The following CXADR variants were observed in gnomAD, a reference collection of about 807,000 sequenced individuals.
CXADR encodes coxsackievirus and adenovirus receptor.
A neutral mutation model predicts 40.3 loss-of-function variants in CXADR; 20 were observed. The observed-to-expected ratio is 0.50, with a 90% CI of 0.35 to 0.72. The LOEUF (loss-of-function observed/expected upper bound fraction) is 0.72, where lower values mean the gene tolerates loss of function less well. CXADR is among the 30% of genes least tolerant of loss of function. CXADR has a pLI of 0.01. For missense variants in CXADR, 332 were observed against 449.1 expected (o/e 0.74, Z 2.36); for synonymous variants, 150 against 161.3 (o/e 0.93, Z 0.53).
chr21:17,538,931 A>C (rs944642197), intron 1 of CXADR, among the ~76,000 whole-genome samples: 2 of 152,246 alleles, frequency 1.3e-5, no homozygotes, highest in Admixed American at 1.3e-4. Flanking sequence ...GGCTACATCC[A>C]GGCCACGTGA....
intron 1 of CXADR, among the ~76,000 whole-genome samples, chr21:17,516,433 T>C (rs534961315): frequency 2.6e-5 from 4 of 152,254 alleles, no homozygotes; most frequent in Non-Finnish European, 5.9e-5. Context: ...TTGAATACTT[T>C]GAGGCATTGT....
the CXADR span, among the ~76,000 whole-genome samples, chr21:17,630,270 A>G: frequency 6.6e-6 from 1 of 152,254 alleles, no homozygotes; most frequent in South Asian, 2.1e-4. Context: ...AGAGCAAAGC[A>G]CAATGAAGCC....
At chr21:17,570,209 A>G, downstream of CXADR, 1 of 982,924 alleles carries the variant, frequency 1.0e-6, no homozygotes, top group Non-Finnish European at 1.2e-6. Context: ...CCCCCCGTGT[A>G]TCCTCTAAAC....
At position 17,581,399 on chromosome 21, in the gene CXADR, C is replaced by G. The variant is rs1349442432; in HGVS notation, c.1018-11753C>G. Among the ~76,000 whole-genome samples the G allele has an allele frequency of 2.0e-5, 3 of 152,272 alleles. No homozygotes were observed. The East Asian group carries it at 5.8e-4, about 29-fold the overall frequency. On this transcript the variant is annotated intron_variant, in intron 7 of 7. Coordinates refer to the CXADR transcript ENST00000400169. ...TAAGTGTTGTGGCAGCTTATGCTTT[C>G]AATATATGAGAGTGTTTATCCCCTG...
Position 17,566,746 on chromosome 21 carries a change from C to T in CXADR, c.*1054C>T. The stretch of plus-strand genomic sequence containing the variant: ...AAATTTACCCTCTTGAATATAATCC[C>T]TGGATGATATTTTTTATCATAAATG... On this transcript the variant is annotated 3_prime_UTR_variant, in exon 7 of 7. Transcript: ENST00000284878. 1.0e-6 allele frequency: 1 copy of T among 957,472 alleles called. No homozygotes were observed. The highest frequency in any genetic ancestry group is 4.8e-5 in the South Asian group (1 of 20,726). 59.3% of individuals were successfully genotyped at this position (957,472 alleles called of 1,614,324 possible).
chr21:17,583,054 AT>A (rs1286548378), intron 7 of CXADR, among the ~76,000 whole-genome samples: 1 of 152,218 alleles, frequency 6.6e-6, no homozygotes, highest in African/African-American at 2.4e-5. Flanking sequence ...CTGTTGGGAA[AT>A]CATAGTCCTC....
At chr21:17,602,380 GTC>G in the CXADR span, among the ~76,000 whole-genome samples, 11 of 152,070 alleles carry the variant, frequency 7.2e-5, no homozygotes, top group Non-Finnish European at 1.0e-4. Context: ...TACAATCTTA[GTC>G]TCTAGTATAC....
the CXADR span, among the ~76,000 whole-genome samples, chr21:17,615,711 A>G: frequency 6.6e-6 from 1 of 152,086 alleles, no homozygotes; most frequent in East Asian, 1.9e-4. Flanking sequence ...ATTCACTTCT[A>G]TTGTGTGTTA....
Position 17,568,778 on chromosome 21 carries a change from C to G in CXADR, c.*3086C>G, listed in dbSNP as rs189828810. The G allele has an allele frequency of 5.0e-5, 49 of 984,884 alleles. No individual in the cohort carries two copies. In the African/African-American group the frequency reaches 8.4e-4, roughly 17 times the overall value. The allele number at this position is 984,884 out of a possible 1,614,324, so 61.0% of individuals were successfully genotyped here. A position where few individuals can be genotyped will look rare whatever the true frequency, so the allele number is the denominator to read the frequency against. On this transcript the variant is annotated 3_prime_UTR_variant, in exon 7 of 7. Coordinates refer to ENST00000284878, the MANE Select transcript of CXADR (RefSeq NM_001338.5). ...CTAATATGATTCCCTTGTTAGAGAGCCTCTCACTCCCCCACCCCCAAAAAT... is the reference window on the plus strand; with the variant it reads ...CTAATATGATTCCCTTGTTAGAGAGGCTCTCACTCCCCCACCCCCAAAAAT...
intron 7 of CXADR, among the ~76,000 whole-genome samples, chr21:17,583,705 C>A (rs2061376187): frequency 6.6e-6 from 1 of 152,182 alleles, no homozygotes; most frequent in South Asian, 2.1e-4. Context: ...ATAATCCTCT[C>A]TTTGAGTTTG....
downstream of CXADR, chr21:17,594,048 T>C (rs1035461241): frequency 3.1e-6 from 5 of 1,592,686 alleles, no homozygotes; most frequent in Non-Finnish European, 4.3e-6. Context: ...GTAAGGTTTA[T>C]TCTACCTTTT....
chr21:17,614,547 A>G, the CXADR span, among the ~76,000 whole-genome samples: 1 of 152,172 alleles, frequency 6.6e-6, no homozygotes, highest in African/African-American at 2.4e-5. Context: ...GTTCAAGACC[A>G]ACCTGGCCAA....
intron 7 of CXADR, among the ~76,000 whole-genome samples, chr21:17,578,956 C>T (rs1273606923): frequency 2.0e-5 from 3 of 152,090 alleles, no homozygotes; most frequent in Non-Finnish European, 4.4e-5. Flanking sequence ...CCACATCCCC[C>T]CTTCACCAGA....
Position 17,568,552 on chromosome 21 carries a change from C to G in CXADR, c.*2860C>G. On this transcript the variant is annotated 3_prime_UTR_variant, in exon 7 of 7. Coordinates refer to ENST00000284878, the MANE Select transcript of CXADR (RefSeq NM_001338.5). ...AAATGTTACTGTAGAATATATAGTT[C>G]TGTACTTTTTTTTTTTTTTTTTAAG... 1.1e-6 allele frequency: 1 copy of G among 934,962 alleles called. No individual in the cohort carries two copies. 57.9% of individuals were successfully genotyped at this position (934,962 alleles called of 1,614,324 possible).
At chr21:17,635,109 A>G in the CXADR span, among the ~76,000 whole-genome samples, 2 of 152,212 alleles carry the variant, frequency 1.3e-5, no homozygotes, top group Non-Finnish European at 2.9e-5. Context: ...AGAAAGGCCT[A>G]AATAGAATCT....
At chr21:17,594,612 T>C (rs2061480454), downstream of CXADR, among the ~76,000 whole-genome samples, 1 of 152,062 alleles carries the variant, frequency 6.6e-6, no homozygotes, top group African/African-American at 2.4e-5. Context: ...ATGGAACGAA[T>C]GGAAGCTTGT....
chr21:17,579,973 G>T (rs1285944163), intron 7 of CXADR, among the ~76,000 whole-genome samples: 2 of 151,994 alleles, frequency 1.3e-5, no homozygotes, highest in Non-Finnish European at 2.9e-5. Flanking sequence ...AAGAGGTGAT[G>T]GACTACTTTA....
At chr21:17,579,307 T>G (rs1470117061) in intron 7 of CXADR, among the ~76,000 whole-genome samples, 1 of 151,320 alleles carries the variant, frequency 6.6e-6, no homozygotes, top group Non-Finnish European at 1.5e-5. Flanking sequence ...TTTTTTGAGA[T>G]GGAGTCTCAC....
chr21:17,577,977 T>C (rs1448918770), intron 7 of CXADR, among the ~76,000 whole-genome samples: 1 of 152,082 alleles, frequency 6.6e-6, no homozygotes, highest in Non-Finnish European at 1.5e-5. Context: ...ACTTTTTTTT[T>C]AAGGCTGAGT....
Sources: allele counts gnomAD v4.1 joint callset (sites outside exome capture counted in the v4.1 genomes callset), GRCh38; gene constraint gnomAD v4.1.1; transcripts MANE v1.5; gene names NCBI Gene and HGNC (gene_info 2026-07-23, HGNC 2026-07-21).